The following ZBTB7C variants were observed in gnomAD, a reference collection of about 807,000 sequenced individuals.
The protein encoded by ZBTB7C is zinc finger and BTB domain-containing protein 7C.
Under a neutral mutation model 25.7 loss-of-function variants are expected in ZBTB7C, and 8 were observed. The ratio of observed to expected loss-of-function variants is 0.31; its 90% confidence interval spans 0.18 to 0.56. The LOEUF is 0.56. Ranked by LOEUF, ZBTB7C falls within the 20% of genes least tolerant of loss-of-function variation. The pLI, the probability that ZBTB7C is intolerant of heterozygous loss-of-function variation, is 0.91. For synonymous variants in ZBTB7C, 394 were observed against 369.0 expected (o/e 1.07, Z -0.78); for missense variants, 824 against 855.2 (o/e 0.96, Z 0.46).
At chr18:48,259,339 T>A (rs1408531879) in intron 2 of ZBTB7C, among the ~76,000 whole-genome samples, 1 of 133,500 alleles carries the variant, frequency 7.5e-6, no homozygotes, top group African/African-American at 3.2e-5. Flanking sequence ...CAATGAGATA[T>A]TCTTTTGCAA....
chr18:48,265,529 A>G (rs958036835), intron 2 of ZBTB7C, among the ~76,000 whole-genome samples: 3 of 152,302 alleles, frequency 2.0e-5, no homozygotes, highest in South Asian at 2.1e-4. Context: ...ACCCCAGAGG[A>G]GAACTAAATG....
intron 2 of ZBTB7C, among the ~76,000 whole-genome samples, chr18:48,312,365 C>T (rs1453749191): frequency 6.6e-6 from 1 of 152,210 alleles, no homozygotes; most frequent in Non-Finnish European, 1.5e-5. Flanking sequence ...GCTGGCCACC[C>T]CACAGCACTA....
intron 3 of ZBTB7C, among the ~76,000 whole-genome samples, chr18:48,087,455 C>G (rs1213718762): frequency 6.6e-6 from 1 of 152,152 alleles, no homozygotes; most frequent in East Asian, 1.9e-4. Context: ...TCCAAGTGAT[C>G]AGAGCTGTGA....
intron 3 of ZBTB7C, among the ~76,000 whole-genome samples, chr18:48,118,001 C>CTTTTTTTT (rs11358230): frequency 1.6e-5 from 2 of 128,516 alleles, no homozygotes; most frequent in Non-Finnish European, 1.7e-5. Context: ...TCTTCTTCTT[C>CTTTTTTTT]TTTTTTTTTT....
At chr18:48,152,500 G>T (rs577324579) in intron 3 of ZBTB7C, among the ~76,000 whole-genome samples, 1 of 152,194 alleles carries the variant, frequency 6.6e-6, no homozygotes. Context: ...ATTGATACAT[G>T]AATAGAACAA....
At position 48,029,858 on chromosome 18, in the gene ZBTB7C, A is replaced by C; in HGVS notation, c.1262T>G (p.Leu421Arg). ...GAACTTGGCGTTGCAGTGGATGCAC[A>C]GGTAGGGCCGCTCCCCTGTGTGCTT... Reference protein sequence around the residue: ...MRKHTGERPYLCIHCNAKFVH... With the variant: ...MRKHTGERPYRCIHCNAKFVH... The change falls in exon 5 of 5, where the codon CTG becomes CGG. Residue 421 changes from leucine to arginine, a missense_variant. Around this residue, in one of 4 missense-constraint regions of ZBTB7C, gnomAD observed 342 missense variants for 307.0 expected, o/e 1.11. Coordinates refer to ENST00000590800, the MANE Select transcript of ZBTB7C (RefSeq NM_001318841.2). 6.2e-7 allele frequency: 1 copy of C among 1,611,202 alleles called. No homozygotes were observed. The highest frequency in any genetic ancestry group is 8.5e-7 in the Non-Finnish European group (1 of 1,180,010).
At chr18:48,407,293 C>T (rs988559571) in intron 1 of ZBTB7C, among the ~76,000 whole-genome samples, 3 of 152,172 alleles carry the variant, frequency 2.0e-5, no homozygotes, top group African/African-American at 7.2e-5. Context: ...GCTGCAAATT[C>T]TTCTTGGCTA....
intron 1 of ZBTB7C, among the ~76,000 whole-genome samples, chr18:48,372,420 A>G (rs1469566542): frequency 6.6e-6 from 1 of 152,210 alleles, no homozygotes; most frequent in Non-Finnish European, 1.5e-5. Flanking sequence ...CCAATAGGCT[A>G]TGAGTGGAAC....
At chr18:48,110,482 T>C (rs186712678) in intron 3 of ZBTB7C, among the ~76,000 whole-genome samples, 1 of 152,320 alleles carries the variant, frequency 6.6e-6, no homozygotes. Flanking sequence ...AGGCTGATAA[T>C]AAGGCAAAAA....
chr18:48,168,182 C>T (rs1178362875), intron 3 of ZBTB7C, among the ~76,000 whole-genome samples: 2 of 152,146 alleles, frequency 1.3e-5, no homozygotes, highest in African/African-American at 2.4e-5. Flanking sequence ...AGGGTGAGGC[C>T]CCGGCTGATT....
chr18:48,282,404 A>G (rs2044888916), intron 2 of ZBTB7C, among the ~76,000 whole-genome samples: 1 of 151,804 alleles, frequency 6.6e-6, no homozygotes, highest in Non-Finnish European at 1.5e-5. Context: ...TGGCACATGT[A>G]TACATATGTA....
chr18:48,364,847 C>G (rs8083779), intron 1 of ZBTB7C, among the ~76,000 whole-genome samples: 1 of 152,038 alleles, frequency 6.6e-6, no homozygotes, highest in Non-Finnish European at 1.5e-5. Context: ...TGCCTTTTTC[C>G]GTTTAATTAT....
chr18:48,117,585 G>T (rs112624227), intron 3 of ZBTB7C, among the ~76,000 whole-genome samples: 1 of 152,144 alleles, frequency 6.6e-6, no homozygotes, highest in African/African-American at 2.4e-5. Flanking sequence ...ACCTTCACTG[G>T]ATGGTTGTAA....
intron 2 of ZBTB7C, among the ~76,000 whole-genome samples, chr18:48,291,497 T>A (rs1376034684): frequency 6.6e-6 from 1 of 152,112 alleles, no homozygotes; most frequent in Non-Finnish European, 1.5e-5. Context: ...AGGAGAAACC[T>A]ACCTGAGAGC....
rs902944077 is a variant in ZBTB7C, at chr18:48,219,514, C to G, written c.-78-33519G>C. On this transcript the variant is annotated intron_variant, in intron 2 of 4. Coordinates refer to ENST00000590800, the MANE Select transcript of ZBTB7C (RefSeq NM_001318841.2). Reference sequence around the variant, plus strand: ...TGAGGTACACAGCTTAAGTGCCTTCCCAGGTCACACAGCCTGTAAATAGCG... The same window carrying G: ...TGAGGTACACAGCTTAAGTGCCTTCGCAGGTCACACAGCCTGTAAATAGCG... Among the ~76,000 whole-genome samples, 13 of 152,300 alleles carry G rather than the reference C, an allele frequency of 8.5e-5. 1 individual carries two copies. Among genetic ancestry groups the G allele is most frequent in the African/African-American group, 3.1e-4 (13 of 41,554 alleles).
intron 3 of ZBTB7C, among the ~76,000 whole-genome samples, chr18:48,076,014 T>A (rs1410800274): frequency 1.3e-5 from 2 of 152,198 alleles, no homozygotes. Flanking sequence ...CTCCCTTAAC[T>A]TGTTCCTCCC....
intron 1 of ZBTB7C, among the ~76,000 whole-genome samples, chr18:48,344,278 G>A (rs141741140): frequency 7.2e-5 from 11 of 152,292 alleles, no homozygotes; most frequent in South Asian, 2.1e-4. Flanking sequence ...GCCACCACAC[G>A]TGGCCGGGAA....
rs527678297 is a variant in ZBTB7C, at chr18:48,383,191, A to T, written c.-304+26035T>A. ...AATACAGAATTCCCCTTTATTAATAACCCCTTACAGAATCCCCCTCACAAA... is the reference window on the plus strand; with the variant it reads ...AATACAGAATTCCCCTTTATTAATATCCCCTTACAGAATCCCCCTCACAAA... On this transcript the variant is annotated intron_variant, in intron 1 of 4. Coordinates refer to ENST00000590800, the MANE Select transcript of ZBTB7C (RefSeq NM_001318841.2). Among the ~76,000 whole-genome samples, 4 of 152,134 alleles carry T rather than the reference A, an allele frequency of 2.6e-5. No individual in the cohort carries two copies. The South Asian group carries it at 8.3e-4, about 32-fold the overall frequency.
chr18:48,089,314 C>G (rs1227094133), intron 3 of ZBTB7C, among the ~76,000 whole-genome samples: 1 of 151,506 alleles, frequency 6.6e-6, no homozygotes, highest in African/African-American at 2.4e-5. Flanking sequence ...GCTAAAAATA[C>G]AAAAAATTAG....
Sources: allele counts gnomAD v4.1 joint callset (sites outside exome capture counted in the v4.1 genomes callset), GRCh38; gene constraint gnomAD v4.1.1; regional missense constraint gnomAD v4.1.1; transcripts MANE v1.5; gene names NCBI Gene and HGNC (gene_info 2026-07-23, HGNC 2026-07-21).